The following PPFIA2 variants were observed in gnomAD, a reference collection of about 807,000 sequenced individuals.
PPFIA2 encodes liprin-alpha-2.
In PPFIA2, 46 loss-of-function variants were observed where a neutral mutation model predicts 175.5. The observed-to-expected ratio is 0.26, with a 90% CI of 0.21 to 0.34. The LOEUF (loss-of-function observed/expected upper bound fraction) is 0.34. PPFIA2 is among the 10% of genes least tolerant of loss of function. The pLI, the probability that PPFIA2 is intolerant of heterozygous loss-of-function variation, is 1.00. For missense variants in PPFIA2, 1,179 were observed against 1,506.1 expected, an observed-to-expected ratio of 0.78 and a Z score of 3.60; for synonymous variants, 568 against 511.4, an observed-to-expected ratio of 1.11 and a Z score of -1.49.
intron 22 of PPFIA2, among the ~76,000 whole-genome samples, chr12:81,321,521 ATAT>A (rs2053644831): frequency 6.6e-6 from 1 of 152,106 alleles, no homozygotes; most frequent in African/African-American, 2.4e-5. Flanking sequence ...GTTATTTTTA[ATAT>A]TATGGGGGGC....
chr12:81,471,980 G>A (rs564649120), intron 4 of PPFIA2, among the ~76,000 whole-genome samples: 1 of 152,148 alleles, frequency 6.6e-6, no homozygotes, highest in African/African-American at 2.4e-5. Flanking sequence ...ATTATATGAA[G>A]AGTTTTTTTA....
At chr12:81,335,652 G>A (rs2056991525) in intron 21 of PPFIA2, among the ~76,000 whole-genome samples, 2 of 151,622 alleles carry the variant, frequency 1.3e-5, no homozygotes, top group South Asian at 4.2e-4. Context: ...GTTGAGGCAG[G>A]AGAATCATTT....
intron 4 of PPFIA2, among the ~76,000 whole-genome samples, chr12:81,664,461 G>C (rs1364692353): frequency 6.6e-6 from 1 of 152,120 alleles, no homozygotes. Flanking sequence ...GGCCATCAGA[G>C]AAATGCAAAT....
At chr12:81,349,008 G>A (rs906895635) in intron 17 of PPFIA2, among the ~76,000 whole-genome samples, 16 of 152,172 alleles carry the variant, frequency 1.1e-4, no homozygotes, top group South Asian at 2.1e-4. Flanking sequence ...ATTTAGAATG[G>A]AGAATGTAAT....
intron 7 of PPFIA2, among the ~76,000 whole-genome samples, chr12:81,425,586 T>A (rs1009142908): frequency 2.0e-5 from 3 of 152,154 alleles, no homozygotes; most frequent in African/African-American, 7.2e-5. Flanking sequence ...CAGGATGGTC[T>A]CAAAGGTCTC....
chr12:81,551,938 C>T (rs2067997046), intron 4 of PPFIA2, among the ~76,000 whole-genome samples: 1 of 151,666 alleles, frequency 6.6e-6, no homozygotes, highest in African/African-American at 2.4e-5. Context: ...ATTCAAGATG[C>T]TTTTAAATTA....
chr12:81,672,759 T>C (rs2071679367), intron 4 of PPFIA2, among the ~76,000 whole-genome samples: 1 of 152,020 alleles, frequency 6.6e-6, no homozygotes, highest in African/African-American at 2.4e-5. Flanking sequence ...AATTACTATA[T>C]GAGGCAATGA....
At chr12:81,725,865 CT>C (rs1262096844) in intron 3 of PPFIA2, among the ~76,000 whole-genome samples, 2 of 150,868 alleles carry the variant, frequency 1.3e-5, no homozygotes, top group African/African-American at 4.8e-5. Context: ...ACCTAGAGTG[CT>C]TTCCAGTAAT....
chr12:81,347,690 C>A lies in PPFIA2; in HGVS notation c.2075G>T (p.Gly692Val). Residue 692 changes from glycine (G) to valine (V), a missense_variant, in exon 18 of 33, where the codon GGC becomes GTC. Physicochemically the swap from Gly to Val is moderately radical, Grantham distance 109. This residue lies in a region of PPFIA2 where 223 missense variants were observed against 241.6 expected (regional missense o/e 0.92). Transcript: ENST00000549396. ...ENRVASVSLE[G>V]LNLARVHPGT... The stretch of plus-strand genomic sequence containing the variant: ...TGGGTGGACCCTTGCCAAATTCAGG[C>A]CTTCGAGGCTCACACTAGCCACTCT... 1 of 1,613,834 alleles carries A rather than the reference C, an allele frequency of 6.2e-7. No individual in the cohort carries two copies. Among genetic ancestry groups the A allele is most frequent in the Non-Finnish European group, 8.5e-7 (1 of 1,179,830 alleles).
intron 3 of PPFIA2, among the ~76,000 whole-genome samples, chr12:81,709,634 T>C (rs2077637645): frequency 6.6e-6 from 1 of 152,112 alleles, no homozygotes; most frequent in Non-Finnish European, 1.5e-5. Flanking sequence ...TAAAAATATA[T>C]TATGAGAGCT....
intron 4 of PPFIA2, among the ~76,000 whole-genome samples, chr12:81,467,175 T>C (rs1027022264): frequency 1.3e-5 from 2 of 152,072 alleles, no homozygotes; most frequent in African/African-American, 4.8e-5. Context: ...TGATTGACAT[T>C]AGTGTGATAC....
At chr12:81,745,356 G>A (rs1398141588) in intron 3 of PPFIA2, among the ~76,000 whole-genome samples, 2 of 152,118 alleles carry the variant, frequency 1.3e-5, no homozygotes, top group South Asian at 2.1e-4. Flanking sequence ...CCCACTCACA[G>A]CAACTGTTTC....
At position 81,362,761 on chromosome 12, in the gene PPFIA2, T is replaced by A; in HGVS notation, c.1569A>T (p.Glu523Asp). ...HDKERLAEEI[E>D]KLRSELDQLK... Reference sequence around the variant, plus strand: ...ATTGGTCAAGTTCAGATCTCAGCTTTTCAATTTCTTCTGCTAATCTTTCCT... The same window carrying A: ...ATTGGTCAAGTTCAGATCTCAGCTTATCAATTTCTTCTGCTAATCTTTCCT... The change falls in exon 15 of 33, where the codon GAA becomes GAT. Residue 523 changes from glutamate (E) to aspartate (D), a missense_variant. Physicochemically the swap from Glu to Asp is conservative, Grantham distance 45. Coordinates refer to ENST00000549396, the MANE Select transcript of PPFIA2 (RefSeq NM_003625.5). 6.5e-7 allele frequency: 1 copy of A among 1,546,192 alleles called. No homozygotes were observed. The highest frequency in any genetic ancestry group is 1.4e-5 in the African/African-American group (1 of 72,996).
chr12:81,329,415 C>A (rs1156652810), intron 21 of PPFIA2, among the ~76,000 whole-genome samples: 1 of 152,086 alleles, frequency 6.6e-6, no homozygotes, highest in African/African-American at 2.4e-5. Flanking sequence ...GTGAGGCCTT[C>A]GAGGACTTGG....
intron 4 of PPFIA2, 197 bp downstream of exon 4, chr12:81,676,594 A>G: frequency 2.8e-6 from 1 of 356,768 alleles, no homozygotes; most frequent in Non-Finnish European, 5.0e-6. Context: ...AATTTTTATG[A>G]GTTGTTAAAA....
intron 6 of PPFIA2, among the ~76,000 whole-genome samples, chr12:81,445,213 G>A (rs796700822): frequency 1.5e-5 from 2 of 132,666 alleles, no homozygotes; most frequent in South Asian, 2.7e-4. Flanking sequence ...AGGTGGGGGG[G>A]GGGGAGGGGG....
chr12:81,332,121 T>G (rs1370453987), intron 21 of PPFIA2, among the ~76,000 whole-genome samples: 1 of 152,040 alleles, frequency 6.6e-6, no homozygotes, highest in Non-Finnish European at 1.5e-5. Context: ...TTTGCTCTAA[T>G]CCTTAACTCT....
intron 18 of PPFIA2, 138 bp downstream of exon 18, chr12:81,347,395 G>T (rs1431837206): frequency 1.8e-5 from 14 of 777,004 alleles, no homozygotes; most frequent in Admixed American, 4.3e-5. Flanking sequence ...ATCACATAGG[G>T]ATGTTGTGAA....
chr12:81,301,466 A>G (rs964132051), intron 22 of PPFIA2, among the ~76,000 whole-genome samples: 3 of 152,170 alleles, frequency 2.0e-5, no homozygotes, highest in Admixed American at 6.5e-5. Context: ...CTATTTTTAA[A>G]TATTAGAACG....
Sources: gnomAD v4.1 joint callset for allele counts (sites outside exome capture counted in the v4.1 genomes callset) on GRCh38, gnomAD v4.1.1 for gene constraint, gnomAD v4.1.1 regional missense constraint, MANE v1.5 for transcripts, NCBI Gene and HGNC (gene_info 2026-07-23, HGNC 2026-07-21) for gene names.